LMO7: variants seen among roughly 807,000 people sequenced by gnomAD.
LMO7 encodes the protein LIM domain only protein 7.
In LMO7, 120 loss-of-function variants were observed where a neutral mutation model predicts 206.5. The observed-to-expected ratio is 0.58, with a 90% CI of 0.50 to 0.68. The LOEUF (loss-of-function observed/expected upper bound fraction) is 0.68, where lower values mean the gene tolerates loss of function less well. LMO7 is among the 30% of genes least tolerant of loss of function. The pLI is 0.00. For missense variants in LMO7, 1,959 were observed against 1,957.9 expected (o/e 1.00, Z -0.01); for synonymous variants, 706 against 681.5 (o/e 1.04, Z -0.56).
At chr13:75,788,166 T>A (rs1026680206) in intron 4 of LMO7, among the ~76,000 whole-genome samples, 1 of 152,140 alleles carries the variant, frequency 6.6e-6, no homozygotes, top group African/African-American at 2.4e-5. Flanking sequence ...TTTCACTTAG[T>A]ACATTTAGGG....
chr13:75,822,668 A>G (rs2057692028), intron 14 of LMO7, among the ~76,000 whole-genome samples: 1 of 150,926 alleles, frequency 6.6e-6, no homozygotes, highest in Non-Finnish European at 1.5e-5. Context: ...AGACTTAAAA[A>G]CATCGAAAAT....
chr13:75,620,557 G>C (rs1479545155), exon 1 of LMO7: 1 of 152,096 alleles, frequency 6.6e-6, no homozygotes, highest in African/African-American at 2.4e-5. Context: ...TGGTAGGTGA[G>C]GTCTGAGATT....
intron 3 of LMO7, among the ~76,000 whole-genome samples, chr13:75,733,932 G>C (rs2045544866): frequency 6.6e-6 from 1 of 152,188 alleles, no homozygotes; most frequent in Non-Finnish European, 1.5e-5. Flanking sequence ...CTACCACAAT[G>C]GTGGCCCAGA....
chr13:75,696,672 T>G (rs2041924365), intron 1 of LMO7, among the ~76,000 whole-genome samples: 1 of 152,102 alleles, frequency 6.6e-6, no homozygotes, highest in African/African-American at 2.4e-5. Flanking sequence ...GGACCATTAT[T>G]TGCCCCAAGC....
At chr13:75,658,538 T>C (rs2038264193) in intron 1 of LMO7, among the ~76,000 whole-genome samples, 2 of 152,160 alleles carry the variant, frequency 1.3e-5, no homozygotes, top group African/African-American at 4.8e-5. Flanking sequence ...AGGAACTTCA[T>C]AGTTTTTGCT....
intron 4 of LMO7, among the ~76,000 whole-genome samples, chr13:75,763,174 T>A (rs1479858254): frequency 1.3e-5 from 2 of 152,110 alleles, no homozygotes; most frequent in Non-Finnish European, 2.9e-5. Flanking sequence ...TTTGGCCACT[T>A]CCGGAGATAC....
chr13:75,735,528 C>T (rs1022057008), intron 3 of LMO7, among the ~76,000 whole-genome samples: 1 of 152,234 alleles, frequency 6.6e-6, no homozygotes, highest in East Asian at 1.9e-4. Flanking sequence ...GTGGGGTGAT[C>T]TTGGCTCCCT....
At chr13:75,713,344 T>C (rs2043273336) in intron 2 of LMO7, 92 bp downstream of exon 2, 1 of 772,304 alleles carries the variant, frequency 1.3e-6, no homozygotes, top group Non-Finnish European at 2.1e-6. Flanking sequence ...ATGGCCACCG[T>C]AGTCACAGAT....
At chr13:75,633,951 G>A (rs1328187333), upstream of LMO7, among the ~76,000 whole-genome samples, 2 of 140,946 alleles carry the variant, frequency 1.4e-5, no homozygotes, top group South Asian at 2.3e-4. Context: ...TGGTTCAAGC[G>A]ATTCTCCTGC....
At chr13:75,644,533 A>G (rs2036844749) in intron 1 of LMO7, among the ~76,000 whole-genome samples, 2 of 152,142 alleles carry the variant, frequency 1.3e-5, no homozygotes, top group Non-Finnish European at 2.9e-5. Flanking sequence ...ATCCTATACA[A>G]CTTCCGCTCA....
intron 1 of LMO7, among the ~76,000 whole-genome samples, chr13:75,711,768 C>G (rs996067717): frequency 3.3e-5 from 5 of 152,204 alleles, no homozygotes; most frequent in Admixed American, 6.5e-5. Context: ...CTACATTTTT[C>G]TTATGAGGCT....
intron 1 of LMO7, among the ~76,000 whole-genome samples, chr13:75,672,562 A>G (rs1701483228): frequency 6.6e-6 from 1 of 152,088 alleles, no homozygotes; most frequent in African/African-American, 2.4e-5. Context: ...CTTTTCCCTA[A>G]TATTTGTAAT....
chr13:75,814,542 A>G (rs1403749080), intron 11 of LMO7, among the ~76,000 whole-genome samples: 1 of 152,208 alleles, frequency 6.6e-6, no homozygotes, highest in East Asian at 1.9e-4. Flanking sequence ...GCTGAATATT[A>G]TCTAGATCAT....
At chr13:75,843,528 G>A (rs943563790) in intron 25 of LMO7, among the ~76,000 whole-genome samples, 2 of 152,116 alleles carry the variant, frequency 1.3e-5, no homozygotes, top group African/African-American at 2.4e-5. Flanking sequence ...TATGAATAAT[G>A]GCTTCACATT....
chr13:75,638,658 A>G (rs1288346837), intron 1 of LMO7, among the ~76,000 whole-genome samples: 2 of 152,182 alleles, frequency 1.3e-5, no homozygotes, highest in Admixed American at 6.5e-5. Flanking sequence ...TACTTTTAGT[A>G]TACTCTGGGC....
chr13:75,633,916 T>C (rs2035371646), upstream of LMO7, among the ~76,000 whole-genome samples: 1 of 140,236 alleles, frequency 7.1e-6, no homozygotes, highest in African/African-American at 2.6e-5. Context: ...GGTGTGATCC[T>C]GGCTTACTGC....
intron 3 of LMO7, among the ~76,000 whole-genome samples, chr13:75,738,181 T>G (rs2046108138): frequency 6.6e-6 from 1 of 152,214 alleles, no homozygotes; most frequent in East Asian, 1.9e-4. Flanking sequence ...AAAATTTCTG[T>G]GTAAGGGTTT....
intron 1 of LMO7, among the ~76,000 whole-genome samples, chr13:75,712,021 C>T (rs996016826): frequency 5.9e-5 from 9 of 152,200 alleles, no homozygotes; most frequent in Non-Finnish European, 1.0e-4. Flanking sequence ...CTGAGAAACA[C>T]AACCATTATT....
At chr13:75,792,287 C>T (rs1162410203) in intron 4 of LMO7, among the ~76,000 whole-genome samples, 1 of 152,088 alleles carries the variant, frequency 6.6e-6, no homozygotes, top group Non-Finnish European at 1.5e-5. Flanking sequence ...ATGAACACTT[C>T]ACCATTAGAA....
Sources: gnomAD v4.1 joint callset for allele counts (sites outside exome capture counted in the v4.1 genomes callset) on GRCh38, gnomAD v4.1.1 for gene constraint, MANE v1.5 for transcripts, NCBI Gene and HGNC (gene_info 2026-07-23, HGNC 2026-07-21) for gene names.